NAALADL2: variants seen among roughly 807,000 people sequenced by gnomAD.
NAALADL2 encodes inactive N-acetylated-alpha-linked acidic dipeptidase-like protein 2.
Under a neutral mutation model 87.2 loss-of-function variants are expected in NAALADL2, and 76 were observed. The ratio of observed to expected loss-of-function variants is 0.87; its 90% CI spans 0.72 to 1.05. The LOEUF is 1.05. Among genes scored for constraint, NAALADL2 ranks in the 50% least tolerant of loss-of-function variants. The pLI is 0.00. For missense variants in NAALADL2, 1,089 were observed against 945.8 expected, an observed-to-expected ratio of 1.15 and a Z score of -1.99; for synonymous variants, 354 against 331.0, an observed-to-expected ratio of 1.07 and a Z score of -0.75.
chr3:175,449,382 A>G (rs918265327), intron 6 of NAALADL2, among the ~76,000 whole-genome samples: 2 of 138,746 alleles, frequency 1.4e-5, no homozygotes, highest in African/African-American at 5.3e-5. Flanking sequence ...CTGGCCTAAC[A>G]TTAATTTTCT....
chr3:175,612,963 C>T (rs1398677517), intron 10 of NAALADL2, among the ~76,000 whole-genome samples: 1 of 152,078 alleles, frequency 6.6e-6, no homozygotes, highest in African/African-American at 2.4e-5. Flanking sequence ...CAGGGATAGC[C>T]GGGATCCACC....
chr3:174,987,810 A>ATAT (rs1491236816), intron 1 of NAALADL2, among the ~76,000 whole-genome samples: 3 of 127,734 alleles, frequency 2.3e-5, no homozygotes, highest in African/African-American at 7.7e-5. Flanking sequence ...ATATATATAT[A>ATAT]ATTATATATA....
At chr3:174,884,810 C>T (rs1482782603) in intron 1 of NAALADL2, among the ~76,000 whole-genome samples, 1 of 152,106 alleles carries the variant, frequency 6.6e-6, no homozygotes, top group African/African-American at 2.4e-5. Context: ...GAGTATAGCA[C>T]ACCTCCTCAG....
chr3:175,429,286 G>C (rs769277194), intron 5 of NAALADL2, among the ~76,000 whole-genome samples: 3 of 151,710 alleles, frequency 2.0e-5, no homozygotes, highest in Non-Finnish European at 4.4e-5. Flanking sequence ...GCCCTGGGGA[G>C]AGCAGGAAAA....
intron 1 of NAALADL2, among the ~76,000 whole-genome samples, chr3:174,982,089 G>A (rs934840346): frequency 2.0e-5 from 3 of 152,262 alleles, no homozygotes; most frequent in Non-Finnish European, 2.9e-5. Flanking sequence ...AATGTGCTCC[G>A]ATAGTGACTG....
intron 1 of NAALADL2, among the ~76,000 whole-genome samples, chr3:174,948,067 G>A (rs929714487): frequency 1.4e-4 from 21 of 151,932 alleles, no homozygotes; most frequent in East Asian, 5.8e-4. Context: ...AGTTAAACCC[G>A]TAACTAAATT....
intron 3 of NAALADL2, among the ~76,000 whole-genome samples, chr3:175,242,790 T>G (rs1581084038): frequency 1.3e-5 from 2 of 152,350 alleles, no homozygotes; most frequent in East Asian, 3.9e-4. Flanking sequence ...CCTCGGACCC[T>G]GCTGCATGCA....
rs1724107520 is a variant in NAALADL2, at chr3:175,466,829, CAGTGAG to C, written c.1328-149_1328-144del. On this transcript the variant is annotated intron_variant, in intron 7 of 13. Transcript: ENST00000454872. ...ATATACACAGATGTGTGAATTAAGA[CAGTGAG>C]CAAAAAAATTAAAGTAGTCTTAATT... 3 of 653,096 alleles carry C rather than the reference CAGTGAG, an allele frequency of 4.6e-6. No individual in the cohort carries two copies. The South Asian group carries it at 5.7e-5, about 12-fold the overall frequency. 40.5% of individuals were successfully genotyped at this position (653,096 alleles called of 1,614,324 possible).
intron 13 of NAALADL2, among the ~76,000 whole-genome samples, chr3:175,758,560 AT>A (rs1439247767): frequency 1.3e-5 from 2 of 151,960 alleles, no homozygotes; most frequent in Admixed American, 6.5e-5. Context: ...TTTTTTCTTG[AT>A]AGATAATTCA....
At chr3:174,699,042 T>G (rs918475596) in intron 2 of NAALADL2, among the ~76,000 whole-genome samples, 2 of 152,084 alleles carry the variant, frequency 1.3e-5, no homozygotes, top group Non-Finnish European at 2.9e-5. Flanking sequence ...TGCCTTTTCT[T>G]AAACCTCTTC....
At chr3:175,312,685 A>G (rs188360474) in intron 4 of NAALADL2, among the ~76,000 whole-genome samples, 2 of 152,194 alleles carry the variant, frequency 1.3e-5, no homozygotes, top group African/African-American at 2.4e-5. Flanking sequence ...ACCACTTACT[A>G]GCTCTGACCC....
chr3:174,881,975 T>G (rs9821635), intron 1 of NAALADL2, among the ~76,000 whole-genome samples: 31,723 of 152,102 alleles, frequency 0.21, 3,354 homozygotes, highest in East Asian at 0.3. Flanking sequence ...ATGATATGTA[T>G]TTATCTAAAA....
intron 10 of NAALADL2, among the ~76,000 whole-genome samples, chr3:175,620,239 C>T (rs1008898054): frequency 8.5e-5 from 13 of 152,150 alleles, no homozygotes; most frequent in Admixed American, 5.9e-4. Flanking sequence ...TTGGGCCCAC[C>T]AGGCTCACTT....
At chr3:175,072,122 T>C (rs958918373) in intron 1 of NAALADL2, among the ~76,000 whole-genome samples, 2 of 151,998 alleles carry the variant, frequency 1.3e-5, no homozygotes, top group Non-Finnish European at 2.9e-5. Flanking sequence ...ATGGAGTCTT[T>C]ACATTAGTTG....
rs565404380 is a variant in NAALADL2 at position 175,358,897 on chromosome 3, C to T, written c.1090+34572C>T. On this transcript the variant is annotated intron_variant, in intron 5 of 13. Transcript: ENST00000454872. Reference sequence around the variant, plus strand: ...GGGCCATGCCTCTGGGAAACTGGTCCTGGGAGAGAATTAGCCCCACAGCTG... The same window carrying T: ...GGGCCATGCCTCTGGGAAACTGGTCTTGGGAGAGAATTAGCCCCACAGCTG... Among the ~76,000 whole-genome samples, 9 of 152,126 alleles carry T rather than the reference C, an allele frequency of 5.9e-5. No homozygotes were observed. In the East Asian group the frequency reaches 1.7e-3, roughly 29 times the overall value.
chr3:175,213,267 G>A (rs1047377024), intron 2 of NAALADL2, among the ~76,000 whole-genome samples: 1 of 152,036 alleles, frequency 6.6e-6, no homozygotes, highest in Non-Finnish European at 1.5e-5. Flanking sequence ...TGAAAATAGA[G>A]ATAGGCTGTG....
chr3:175,558,212 AAAAAAGAAAGAAAG>A (rs1715654013), intron 9 of NAALADL2, among the ~76,000 whole-genome samples: 1 of 151,342 alleles, frequency 6.6e-6, no homozygotes, highest in Non-Finnish European at 1.5e-5. Context: ...AAAAAAAAAA[AAAAAAGAAAGAAAG>A]AAAGAAAAAT....
chr3:174,508,297 T>G (rs1719356746), intron 1 of NAALADL2, among the ~76,000 whole-genome samples: 1 of 151,902 alleles, frequency 6.6e-6, no homozygotes, highest in African/African-American at 2.4e-5. Context: ...GTATTTTTAG[T>G]GGAGATGGGG....
chr3:174,606,043 G>A (rs1430049201), intron 2 of NAALADL2, among the ~76,000 whole-genome samples: 5 of 152,214 alleles, frequency 3.3e-5, no homozygotes, highest in Admixed American at 6.5e-5. Context: ...CACCGCTGCT[G>A]ATACCCAGGC....
Sources: allele counts gnomAD v4.1 joint callset (sites outside exome capture counted in the v4.1 genomes callset), GRCh38; gene constraint gnomAD v4.1.1; transcripts MANE v1.5; gene names NCBI Gene and HGNC (gene_info 2026-07-23, HGNC 2026-07-21).